Variants in LANCL3 observed in about 807,000 individuals in gnomAD.
LANCL3 encodes the protein lanC-like protein 3.
In LANCL3, 19 loss-of-function variants were observed where a neutral mutation model predicts 26.5. That is an observed-to-expected ratio of 0.72 (90% CI 0.50 to 1.05). The LOEUF is 1.05. Among genes scored for constraint, LANCL3 ranks in the 50% least tolerant of loss-of-function variants. The pLI, the probability that LANCL3 is intolerant of heterozygous loss-of-function variation, is 0.00. For missense variants in LANCL3, 318 were observed against 362.7 expected (o/e 0.88, Z 1.00); for synonymous variants, 160 against 166.6 (o/e 0.96, Z 0.30).
intron 1 of LANCL3, among the ~76,000 whole-genome samples, chrX:37,641,985 G>A (rs1412944492): frequency 1.4e-4 from 16 of 111,593 alleles, no homozygotes; most frequent in African/African-American, 5.2e-4. Context: ...GGATTGGAGG[G>A]TGTCCATTGC....
At chrX:37,603,918 C>T (rs952676177) in intron 1 of LANCL3, among the ~76,000 whole-genome samples, 11 of 112,279 alleles carry the variant, frequency 9.8e-5, no homozygotes, top group Middle Eastern at 9.2e-3. Flanking sequence ...TATTGGGAGA[C>T]GAAAATATTA....
In LANCL3 at chrX:37,682,252, G is replaced by A. The variant is rs1431408839; in HGVS notation, c.*6439G>A. On this transcript the variant is annotated 3_prime_UTR_variant, in exon 5 of 5. Coordinates refer to ENST00000378619, the MANE Select transcript of LANCL3 (RefSeq NM_001170331.2). ...CAAGTAGCTGGGACTACAGGCGCCC[G>A]CCACTACGCCCGGCTAATTTTTTGT... 9.3e-6 allele frequency: 1 copy of A among 107,639 alleles called. No homozygotes were observed. Among genetic ancestry groups the A allele is most frequent in the Admixed American group, 9.9e-5 (1 of 10,132 alleles). The allele number at this position is 107,639 out of a possible 1,213,427, so 8.9% of individuals were successfully genotyped here. A position where few individuals can be genotyped will look rare whatever the true frequency, so the allele number is the denominator to read the frequency against.
At chrX:37,586,084 C>G (rs782035545) in intron 1 of LANCL3, among the ~76,000 whole-genome samples, 1,150 of 111,376 alleles carry the variant, frequency 0.01, 7 homozygotes, top group Non-Finnish European at 0.017. Flanking sequence ...AGGAAATTCT[C>G]GGTTGAAAAT....
At chrX:37,642,038 C>T (rs1925877479) in intron 1 of LANCL3, among the ~76,000 whole-genome samples, 1 of 111,695 alleles carries the variant, frequency 9.0e-6, no homozygotes, top group African/African-American at 3.3e-5. Context: ...AGGGAGGTCA[C>T]CCAGGGCAAT....
Position 37,572,243 on chromosome X carries a change from G to A in LANCL3, c.373G>A (p.Ala125Thr). The A allele has an allele frequency of 8.7e-7, 1 of 1,148,016 alleles. No individual in the cohort carries two copies. The highest frequency in any genetic ancestry group is 1.2e-6 in the Non-Finnish European group (1 of 866,253). 94.6% of individuals were successfully genotyped at this position (1,148,016 alleles called of 1,213,427 possible). The change falls in exon 1 of 5, where the codon GCG becomes ACG. Residue 125 changes from alanine (A) to threonine (T), a missense_variant. By Grantham distance (58) the Ala-to-Thr change is moderately conservative. Coordinates refer to ENST00000378619, the MANE Select transcript of LANCL3 (RefSeq NM_001170331.2). ...DTRAAFLLGG[A>T]GVYAVATLVY... ...CCGCGCCGCCTTCCTGCTCGGGGGC[G>A]CGGGCGTGTACGCCGTGGCCACGCT... is the stretch of plus-strand genomic sequence containing the variant.
chrX:37,625,822 T>C (rs1556422947), intron 1 of LANCL3, among the ~76,000 whole-genome samples: 1 of 111,690 alleles, frequency 9.0e-6, no homozygotes, highest in African/African-American at 3.3e-5. Flanking sequence ...ATTCTTGCTT[T>C]GTAACAATCC....
chrX:37,572,529 C>G, intron 1 of LANCL3, 86 bp downstream of exon 1: 5 of 794,814 alleles, frequency 6.3e-6, no homozygotes, highest in East Asian at 6.9e-5. Context: ...CAGCACTGTC[C>G]CGAGTTGCTC....
At chrX:37,613,085 G>A (rs782581284) in intron 1 of LANCL3, among the ~76,000 whole-genome samples, 4 of 110,864 alleles carry the variant, frequency 3.6e-5, no homozygotes, top group South Asian at 3.8e-4. Flanking sequence ...AGAGGTTGCC[G>A]TCTTAGAAAG....
At chrX:37,576,581 T>G (rs1923754163) in intron 1 of LANCL3, among the ~76,000 whole-genome samples, 2 of 112,097 alleles carry the variant, frequency 1.8e-5, no homozygotes, top group African/African-American at 6.5e-5. Flanking sequence ...TGACTTGTTC[T>G]GGTTTTCATT....
chrX:37,590,320 G>A (rs1222664388), intron 1 of LANCL3, among the ~76,000 whole-genome samples: 1 of 112,559 alleles, frequency 8.9e-6, no homozygotes, highest in East Asian at 2.8e-4. Context: ...AACTTCAAAT[G>A]AGTTTTCCTC....
chrX:37,592,635 A>T lies in LANCL3; in HGVS notation c.573+20192A>T, dbSNP rs191161381. Among the ~76,000 whole-genome samples, 16 of 112,057 alleles carry T rather than the reference A, an allele frequency of 1.4e-4. No individual in the cohort carries two copies. The East Asian group carries it at 3.9e-3, about 27-fold the overall frequency. Reference sequence around the variant, plus strand: ...GAAATAAAAAAAAGATAGCAGAAATAAAAATAATTCAGTGCAAAAATTAGA... The same window carrying T: ...GAAATAAAAAAAAGATAGCAGAAATTAAAATAATTCAGTGCAAAAATTAGA... On this transcript the variant is annotated intron_variant, in intron 1 of 4. Coordinates refer to ENST00000378619, the MANE Select transcript of LANCL3 (RefSeq NM_001170331.2).
intron 1 of LANCL3, among the ~76,000 whole-genome samples, chrX:37,623,255 C>A (rs1925217706): frequency 9.0e-6 from 1 of 111,430 alleles, no homozygotes; most frequent in Non-Finnish European, 1.9e-5. Flanking sequence ...TGTCTCAGTG[C>A]CTGAGAAACA....
chrX:37,575,681 T>C (rs3126459), intron 1 of LANCL3, among the ~76,000 whole-genome samples: 2,700 of 112,319 alleles, frequency 0.024, 78 homozygotes, highest in African/African-American at 0.082. Flanking sequence ...AGGAATCACC[T>C]GCAGATCTTG....
At chrX:37,662,613 A>G (rs1310095761) in intron 3 of LANCL3, among the ~76,000 whole-genome samples, 1 of 111,830 alleles carries the variant, frequency 8.9e-6, no homozygotes, top group East Asian at 2.8e-4. Context: ...GGCTGTCACA[A>G]GGTCCTATTA....
intron 1 of LANCL3, among the ~76,000 whole-genome samples, chrX:37,642,930 A>G (rs1353888645): frequency 8.9e-6 from 1 of 112,614 alleles, no homozygotes; most frequent in Non-Finnish European, 1.9e-5. Context: ...GCAACTATTC[A>G]TCCCTATATT....
intron 4 of LANCL3, 64 bp from the exon 5 acceptor site, chrX:37,675,590 C>A: frequency 1.6e-6 from 1 of 621,729 alleles, no homozygotes; most frequent in Non-Finnish European, 2.3e-6. Flanking sequence ...GAGGAAGAAG[C>A]AACCCAAGGT....
chrX:37,583,582 GT>G (rs782712009), intron 1 of LANCL3, among the ~76,000 whole-genome samples: 1 of 111,670 alleles, frequency 9.0e-6, no homozygotes, highest in South Asian at 3.8e-4. Context: ...TGAAGCAATT[GT>G]GAATGGGAGT....
intron 1 of LANCL3, among the ~76,000 whole-genome samples, chrX:37,579,375 G>A (rs782751379): frequency 5.4e-5 from 6 of 111,357 alleles, no homozygotes; most frequent in Non-Finnish European, 1.1e-4. Flanking sequence ...CTGGAACCAC[G>A]GATAGTACTA....
At chrX:37,637,673 T>C (rs1206938141) in intron 1 of LANCL3, among the ~76,000 whole-genome samples, 1 of 112,109 alleles carries the variant, frequency 8.9e-6, no homozygotes, top group Non-Finnish European at 1.9e-5. Context: ...TTTCAGACTT[T>C]TTGTTACATG....
Sources: gnomAD v4.1 joint callset for allele counts (sites outside exome capture counted in the v4.1 genomes callset) on GRCh38, gnomAD v4.1.1 for gene constraint, MANE v1.5 for transcripts, NCBI Gene and HGNC (gene_info 2026-07-23, HGNC 2026-07-21) for gene names.